The following FAM47E variants were observed in gnomAD, a reference collection of about 807,000 sequenced individuals.
FAM47E encodes the protein protein FAM47E.
Under a neutral mutation model 41.6 loss-of-function variants are expected in FAM47E, and 32 were observed. The ratio of observed to expected loss-of-function variants is 0.77; its 90% CI spans 0.58 to 1.03. The LOEUF (loss-of-function observed/expected upper bound fraction) is 1.03. FAM47E is among the 50% of genes least tolerant of loss of function. The pLI is 0.00. For synonymous variants in FAM47E, 184 were observed against 188.7 expected (o/e 0.98, Z 0.20); for missense variants, 424 against 485.4 (o/e 0.87, Z 1.19).
chr4:76,223,085 G>A (rs1315229404), intron 2 of FAM47E, among the ~76,000 whole-genome samples: 3 of 152,314 alleles, frequency 2.0e-5, no homozygotes, highest in Middle Eastern at 6.8e-3. Context: ...AAGGCTTTGT[G>A]GGGGCTGGTA....
intron 7 of FAM47E, chr4:76,281,132 G>A (rs1735329856): frequency 6.6e-6 from 1 of 152,290 alleles, no homozygotes; most frequent in Non-Finnish European, 1.5e-5. Context: ...ACTGTCCTCT[G>A]TGTGCACGTA....
At chr4:76,226,896 T>A (rs918260749) in intron 2 of FAM47E, among the ~76,000 whole-genome samples, 1 of 152,210 alleles carries the variant, frequency 6.6e-6, no homozygotes, top group African/African-American at 2.4e-5. Flanking sequence ...CTAATTGAGC[T>A]TTTTTGAATC....
chr4:76,221,275 G>T (rs959005735), intron 2 of FAM47E, among the ~76,000 whole-genome samples: 3 of 152,176 alleles, frequency 2.0e-5, no homozygotes, highest in Non-Finnish European at 4.4e-5. Context: ...CTGGCCTGGG[G>T]AGTTTTTCTT....
chr4:76,261,656 C>G (rs913571873), intron 2 of FAM47E, among the ~76,000 whole-genome samples: 1 of 151,990 alleles, frequency 6.6e-6, no homozygotes, highest in Non-Finnish European at 1.5e-5. Context: ...AGATAATAGA[C>G]ACTGGGGCCT....
intron 2 of FAM47E, among the ~76,000 whole-genome samples, chr4:76,261,895 T>C (rs1734434520): frequency 6.6e-6 from 1 of 152,210 alleles, no homozygotes; most frequent in Non-Finnish European, 1.5e-5. Flanking sequence ...TGTCATTTGT[T>C]CGCATTAGCA....
intron 2 of FAM47E, among the ~76,000 whole-genome samples, chr4:76,257,773 A>T (rs896103727): frequency 6.6e-6 from 1 of 151,804 alleles, no homozygotes; most frequent in African/African-American, 2.4e-5. Context: ...CCACCCTCAC[A>T]TCTACTCCTT....
At chr4:76,271,500 G>A in intron 4 of FAM47E, 68 bp from the exon 5 acceptor site, 2 of 1,529,076 alleles carry the variant, frequency 1.3e-6, no homozygotes, top group East Asian at 2.5e-5. Context: ...ATGGCCCTCA[G>A]ATTAAAGAAG....
At chr4:76,222,785 T>G (rs1290061651) in intron 2 of FAM47E, among the ~76,000 whole-genome samples, 1 of 152,202 alleles carries the variant, frequency 6.6e-6, no homozygotes, top group African/African-American at 2.4e-5. Flanking sequence ...CTATTAATTT[T>G]TCAAAGGTCT....
chr4:76,262,902 C>A (rs1186674660), intron 2 of FAM47E, among the ~76,000 whole-genome samples: 1 of 152,098 alleles, frequency 6.6e-6, no homozygotes, highest in Non-Finnish European at 1.5e-5. Flanking sequence ...TCTAGGACTA[C>A]AGGAGGGCAC....
At chr4:76,233,114 A>T (rs775077089) in intron 2 of FAM47E, among the ~76,000 whole-genome samples, 2 of 152,202 alleles carry the variant, frequency 1.3e-5, no homozygotes, top group Non-Finnish European at 2.9e-5. Context: ...GTTCTTACAC[A>T]CCTTGCATGT....
chr4:76,251,965 A>C, intron 1 of FAM47E, 145 bp downstream of exon 1: 24 of 1,084,428 alleles, frequency 2.2e-5, no homozygotes, highest in Non-Finnish European at 2.7e-5. Context: ...ACAACATAAT[A>C]CGCTGAGATA....
At chr4:76,216,274 G>A (rs780251222) in intron 1 of FAM47E, among the ~76,000 whole-genome samples, 1 of 152,144 alleles carries the variant, frequency 6.6e-6, no homozygotes, top group Non-Finnish European at 1.5e-5. Flanking sequence ...GGCATTGGTT[G>A]AAGTCCTCCT....
intron 2 of FAM47E, among the ~76,000 whole-genome samples, chr4:76,232,618 A>G (rs10222966): frequency 0.12 from 18,466 of 152,190 alleles, 1,477 homozygotes; most frequent in East Asian, 0.41. Context: ...TGGAACATGT[A>G]TTAATATTAC....
chr4:76,253,292 T>TTGGACATTCCAGTTGTTC (rs1255421893), intron 1 of FAM47E, among the ~76,000 whole-genome samples: 7 of 152,298 alleles, frequency 4.6e-5, no homozygotes, highest in African/African-American at 1.7e-4. Flanking sequence ...TCAGGTTGTT[T>TTGGACATTCCAGTTGTTC]TGGACATTCC....
At chr4:76,278,308 C>T (rs1457831022) in intron 6 of FAM47E, 84 bp downstream of exon 6, 31 of 1,338,832 alleles carry the variant, frequency 2.3e-5, no homozygotes, top group Admixed American at 7.1e-5. Context: ...CCAGACTCTG[C>T]GGCGTAATAC....
chr4:76,217,442 G>A (rs1733227422), intron 1 of FAM47E: 1 of 402,786 alleles, frequency 2.5e-6, no homozygotes, highest in South Asian at 1.2e-4. Flanking sequence ...TTCATGAATA[G>A]ATTAATGCCT....
At chr4:76,254,708 A>G (rs1436260803) in intron 1 of FAM47E, among the ~76,000 whole-genome samples, 2 of 152,192 alleles carry the variant, frequency 1.3e-5, no homozygotes, top group Non-Finnish European at 2.9e-5. Flanking sequence ...TATAGATAAA[A>G]GGGGTCTGAA....
chr4:76,247,446 ATATACC>A (rs774868420), upstream of FAM47E, among the ~76,000 whole-genome samples: 1 of 152,144 alleles, frequency 6.6e-6, no homozygotes, highest in Non-Finnish European at 1.5e-5. Flanking sequence ...TCTTTTAGGT[ATATACC>A]TAAGAGTGGA....
intron 5 of FAM47E, among the ~76,000 whole-genome samples, chr4:76,277,222 G>C (rs1403326516): frequency 2.0e-5 from 3 of 152,128 alleles, no homozygotes; most frequent in African/African-American, 7.2e-5. Context: ...CAGTGGCTCA[G>C]GCCTGTAATC....
Sources: gnomAD v4.1 joint callset for allele counts (sites outside exome capture counted in the v4.1 genomes callset) on GRCh38, gnomAD v4.1.1 for gene constraint, MANE v1.5 for transcripts, NCBI Gene and HGNC (gene_info 2026-07-23, HGNC 2026-07-21) for gene names.